The following TMEM132D variants were observed in gnomAD, a reference collection of about 807,000 sequenced individuals.
The protein encoded by TMEM132D is mature OL transmembrane protein.
Under a neutral mutation model 62.3 loss-of-function variants are expected in TMEM132D, and 21 were observed. The observed-to-expected ratio is 0.34, with a 90% CI of 0.24 to 0.49. The LOEUF (loss-of-function observed/expected upper bound fraction) is 0.49. Among genes scored for constraint, TMEM132D ranks in the 20% least tolerant of loss-of-function variants. The pLI, the probability that TMEM132D is intolerant of heterozygous loss-of-function variation, is 0.99. For synonymous variants in TMEM132D, 621 were observed against 575.6 expected (o/e 1.08, Z -1.13); for missense variants, 1,346 against 1,402.8 (o/e 0.96, Z 0.65).
intron 1 of TMEM132D, among the ~76,000 whole-genome samples, chr12:129,795,158 A>T (rs952702938): frequency 3.3e-5 from 5 of 152,220 alleles, no homozygotes; most frequent in Non-Finnish European, 4.4e-5. Context: ...CTCCATTTGA[A>T]TTACAGTTTC....
intron 4 of TMEM132D, among the ~76,000 whole-genome samples, chr12:129,290,177 C>T (rs555583637): frequency 8.5e-5 from 13 of 152,148 alleles, no homozygotes; most frequent in East Asian, 3.9e-4. Context: ...ATGAAAAGTT[C>T]GCAAGAGAGT....
intron 3 of TMEM132D, among the ~76,000 whole-genome samples, chr12:129,470,376 A>G (rs1187073782): frequency 3.3e-5 from 5 of 152,204 alleles, no homozygotes; most frequent in Non-Finnish European, 7.3e-5. Context: ...GGAGACTGCC[A>G]ACACGTGTAG....
In TMEM132D at chr12:129,499,526, A is replaced by AT. The variant is rs80352160; in HGVS notation, c.1115+31532dup. On this transcript the variant is annotated intron_variant, in intron 3 of 8. Transcript: ENST00000422113. ...ACAGGCAAGATCAGGAGGACACAGA[A>AT]TTTTGACACCCTTTCCCCCATAGGG... 9.7e-3 allele frequency among the ~76,000 whole-genome samples: 1,471 copies of AT among 152,328 alleles called. 33 individuals carry two copies. The highest frequency in any genetic ancestry group is 0.061 in the East Asian group (318 of 5,178).
intron 2 of TMEM132D, among the ~76,000 whole-genome samples, chr12:129,638,025 G>A (rs1879533176): frequency 6.6e-6 from 1 of 152,100 alleles, no homozygotes; most frequent in Non-Finnish European, 1.5e-5. Context: ...GACAGAGCAG[G>A]TATTGAGCTG....
intron 2 of TMEM132D, among the ~76,000 whole-genome samples, chr12:129,574,207 C>T (rs1024061786): frequency 6.6e-6 from 1 of 151,788 alleles, no homozygotes; most frequent in Non-Finnish European, 1.5e-5. Flanking sequence ...TTAATAGATG[C>T]AAGAAGGATG....
At chr12:129,385,170 A>G (rs1244661190) in intron 3 of TMEM132D, among the ~76,000 whole-genome samples, 2 of 131,648 alleles carry the variant, frequency 1.5e-5, no homozygotes, top group Non-Finnish European at 3.0e-5. Context: ...CAGTGGTGCG[A>G]TCTTGGCTCA....
chr12:129,584,469 G>T (rs546383672), intron 2 of TMEM132D, among the ~76,000 whole-genome samples: 1 of 152,282 alleles, frequency 6.6e-6, no homozygotes, highest in Admixed American at 6.5e-5. Flanking sequence ...TGGCCTCATG[G>T]TGGGTGGGAG....
At chr12:129,149,980 T>C (rs908509072) in intron 5 of TMEM132D, among the ~76,000 whole-genome samples, 1 of 152,248 alleles carries the variant, frequency 6.6e-6, no homozygotes. Flanking sequence ...ACCTAATGTA[T>C]GCCCAGCAAC....
intron 5 of TMEM132D, among the ~76,000 whole-genome samples, chr12:129,159,971 C>T (rs927910733): frequency 2.0e-5 from 3 of 152,018 alleles, no homozygotes; most frequent in African/African-American, 4.8e-5. Flanking sequence ...AGCTGAGATG[C>T]TGCCTGAGGT....
intron 2 of TMEM132D, among the ~76,000 whole-genome samples, chr12:129,689,993 AT>A (rs1211339998): frequency 1.3e-5 from 2 of 152,154 alleles, no homozygotes; most frequent in African/African-American, 4.8e-5. Context: ...CGGTAAAATA[AT>A]TTTTTCTTTT....
chr12:129,536,261 C>A (rs1442080859), intron 2 of TMEM132D, among the ~76,000 whole-genome samples: 1 of 152,222 alleles, frequency 6.6e-6, no homozygotes, highest in Non-Finnish European at 1.5e-5. Flanking sequence ...AAGGGTGCCA[C>A]ACTCCTACGC....
intron 3 of TMEM132D, among the ~76,000 whole-genome samples, chr12:129,482,378 C>T (rs902427864): frequency 1.3e-5 from 2 of 152,182 alleles, no homozygotes; most frequent in Non-Finnish European, 2.9e-5. Context: ...CATAACAAAG[C>T]ATACCCATGC....
chr12:129,682,051 G>A (rs1418242793), intron 2 of TMEM132D, among the ~76,000 whole-genome samples: 2 of 152,194 alleles, frequency 1.3e-5, no homozygotes, highest in Non-Finnish European at 2.9e-5. Context: ...AGTTATCAAA[G>A]AAAATGCCTC....
chr12:129,504,620 G>A (rs114500668), intron 3 of TMEM132D, among the ~76,000 whole-genome samples: 9,598 of 152,020 alleles, frequency 0.063, 383 homozygotes, highest in Non-Finnish European at 0.088. Context: ...CTCTCTTCTT[G>A]GTTAATCTTG....
chr12:129,210,730 G>T (rs1460897534), intron 4 of TMEM132D, among the ~76,000 whole-genome samples: 1 of 152,138 alleles, frequency 6.6e-6, no homozygotes, highest in Non-Finnish European at 1.5e-5. Flanking sequence ...TAGCTACAAC[G>T]AATGGTGTTA....
intron 2 of TMEM132D, among the ~76,000 whole-genome samples, chr12:129,569,427 T>C (rs953069375): frequency 5.3e-5 from 8 of 152,158 alleles, no homozygotes; most frequent in African/African-American, 1.9e-4. Context: ...AGCAAGTATG[T>C]AAGTGCCACC....
In TMEM132D at chr12:129,728,831, G is replaced by A. The variant is rs540489300; in HGVS notation, c.80-28133C>T. ...ACTCAGTGCTTCGGAAGAAACCAAGGTAGATTGTGGCAGCCCCTCATGTCT... is the reference window on the plus strand; with the variant it reads ...ACTCAGTGCTTCGGAAGAAACCAAGATAGATTGTGGCAGCCCCTCATGTCT... On this transcript the variant is annotated intron_variant, in intron 1 of 8. Transcript: ENST00000422113. 2.6e-5 allele frequency among the ~76,000 whole-genome samples: 4 copies of A among 152,236 alleles called. No homozygotes were observed. In the South Asian group the frequency reaches 8.3e-4, roughly 32 times the overall value.
At position 129,799,559 on chromosome 12, in the gene TMEM132D, G is replaced by A. The variant is rs531838384; in HGVS notation, c.80-98861C>T. 5.3e-5 allele frequency among the ~76,000 whole-genome samples: 8 copies of A among 152,116 alleles called. No individual in the cohort carries two copies. The South Asian group carries it at 6.2e-4, about 12-fold the overall frequency. ...GCTGCAGGTTTTCCTCGTCTCCACC[G>A]AGCATGTGACCCATAGTGAGGCACA... is the stretch of plus-strand genomic sequence containing the variant. On this transcript the variant is annotated intron_variant, in intron 1 of 8. Coordinates refer to ENST00000422113, the MANE Select transcript of TMEM132D (RefSeq NM_133448.3).
intron 4 of TMEM132D, among the ~76,000 whole-genome samples, chr12:129,243,569 T>C (rs148815434): frequency 2.0e-5 from 3 of 152,294 alleles, no homozygotes; most frequent in African/African-American, 7.2e-5. Flanking sequence ...AGATATATTT[T>C]TTGCAAACCA....
Sources: gnomAD v4.1 joint callset for allele counts (sites outside exome capture counted in the v4.1 genomes callset) on GRCh38, gnomAD v4.1.1 for gene constraint, MANE v1.5 for transcripts, NCBI Gene and HGNC (gene_info 2026-07-23, HGNC 2026-07-21) for gene names.